Variants in DNAH11 observed in about 807,000 individuals in gnomAD.
DNAH11 encodes axonemal beta dynein heavy chain 11.
In DNAH11, 442 loss-of-function variants were observed where a neutral mutation model predicts 526.0. The observed-to-expected ratio is 0.84, with a 90% CI of 0.78 to 0.91. The LOEUF is 0.91. Among genes scored for constraint, DNAH11 ranks in the 40% least tolerant of loss-of-function variants. The pLI, the probability that DNAH11 is intolerant of heterozygous loss-of-function variation, is 0.00. For synonymous variants in DNAH11, 2,461 were observed against 1,935.9 expected (o/e 1.27, Z -7.12); for missense variants, 6,989 against 5,448.7 (o/e 1.28, Z -8.90).
chr7:21,564,007 C>T (rs372048196), intron 5 of DNAH11, among the ~76,000 whole-genome samples, 179 bp from the exon 6 acceptor site: 3 of 151,824 alleles, frequency 2.0e-5, no homozygotes, highest in South Asian at 2.1e-4. Flanking sequence ...AGATGGACAG[C>T]GTATAAGTCT....
At chr7:21,895,129 ATTC>A in intron 79 of DNAH11, 130 bp downstream of exon 79, 1 of 731,472 alleles carries the variant, frequency 1.4e-6, no homozygotes, top group Non-Finnish European at 2.2e-6. Flanking sequence ...ACCGTAAAAA[ATTC>A]TTCCACCAAT....
At chr7:21,801,087 T>G (rs759879844) in intron 61 of DNAH11, 50 bp from the exon 62 acceptor site, 1 of 1,550,566 alleles carries the variant, frequency 6.4e-7, no homozygotes, top group South Asian at 1.2e-5. Context: ...GATGGTAATC[T>G]CTCTGTTTTA....
intron 58 of DNAH11, among the ~76,000 whole-genome samples, chr7:21,785,050 A>T (rs1363169892): frequency 1.3e-5 from 2 of 152,170 alleles, no homozygotes; most frequent in African/African-American, 4.8e-5. Context: ...CTTATAAGAG[A>T]AAGTAAGCTG....
At chr7:21,879,140 C>G (rs1783820790) in intron 74 of DNAH11, among the ~76,000 whole-genome samples, 1 of 152,056 alleles carries the variant, frequency 6.6e-6, no homozygotes, top group Non-Finnish European at 1.5e-5. Context: ...CATTTTCCAT[C>G]TGCGTTCTTA....
intron 43 of DNAH11, among the ~76,000 whole-genome samples, chr7:21,720,213 G>A (rs908430000): frequency 2.6e-5 from 4 of 152,166 alleles, no homozygotes; most frequent in Non-Finnish European, 5.9e-5. Flanking sequence ...CTGCCAAAGC[G>A]CTTACCGAAA....
chr7:21,705,358 C>A, intron 38 of DNAH11, 102 bp from the exon 39 acceptor site: 1 of 1,106,488 alleles, frequency 9.0e-7, no homozygotes, highest in Non-Finnish European at 1.3e-6. Context: ...TCAGTGGGGG[C>A]TGGCTTGGGT....
intron 34 of DNAH11, 26 bp downstream of exon 34, chr7:21,687,553 G>C: frequency 6.2e-7 from 1 of 1,606,462 alleles, no homozygotes; most frequent in Non-Finnish European, 8.5e-7. Flanking sequence ...GCTATCTCTT[G>C]TTACAAATAG....
Position 21,543,730 on chromosome 7 carries a change from C to T in DNAH11, c.351+134C>T. 3.2e-6 allele frequency: 3 copies of T among 927,306 alleles called. No homozygotes were observed. The Admixed American group carries it at 8.5e-5, about 26-fold the overall frequency. 57.4% of individuals were successfully genotyped at this position (927,306 alleles called of 1,614,324 possible). A position where few individuals can be genotyped will look rare whatever the true frequency, so the allele number is the denominator to read the frequency against. On this transcript the variant is annotated intron_variant, in intron 1 of 81. Transcript: ENST00000409508. ...ACAAACTTGGCTTGAAGTCCCCATCCTGAGGCCCGCAGGACTCCTCCCCAC... is the reference window on the plus strand; with the variant it reads ...ACAAACTTGGCTTGAAGTCCCCATCTTGAGGCCCGCAGGACTCCTCCCCAC...
chr7:21,688,332 G>T (rs1783470641), intron 34 of DNAH11, among the ~76,000 whole-genome samples: 1 of 152,122 alleles, frequency 6.6e-6, no homozygotes, highest in African/African-American at 2.4e-5. Flanking sequence ...CTGGAAAAAT[G>T]CCTACCACAT....
At chr7:21,735,972 T>A in intron 46 of DNAH11, 128 bp downstream of exon 46, 1 of 889,550 alleles carries the variant, frequency 1.1e-6, no homozygotes, top group Non-Finnish European at 1.7e-6. Flanking sequence ...TAGATGAATT[T>A]GTACTTATCA....
rs10228421 is a variant in DNAH11 at position 21,829,093 on chromosome 7, T to C, written c.10691+10754T>C. ...TTGCTACGTTTGCTACACCTGATCT[T>C]TTCCGCTGCACTCTTGACTGTAGCT... On this transcript the variant is annotated intron_variant, in intron 65 of 81. Coordinates refer to ENST00000409508, the MANE Select transcript of DNAH11 (RefSeq NM_001277115.2). 4.8e-3 allele frequency among the ~76,000 whole-genome samples: 726 copies of C among 152,268 alleles called. 3 individuals are homozygous for C. The highest frequency in any genetic ancestry group is 0.017 in the African/African-American group (697 of 41,534).
At chr7:21,780,303 G>C (rs1787883262) in intron 57 of DNAH11, among the ~76,000 whole-genome samples, 1 of 152,114 alleles carries the variant, frequency 6.6e-6, no homozygotes, top group Non-Finnish European at 1.5e-5. Flanking sequence ...CCTGCACTTA[G>C]GGAGGCAGAG....
intron 30 of DNAH11, 81 bp from the exon 31 acceptor site, chr7:21,681,465 T>G (rs1281691634): frequency 4.9e-6 from 7 of 1,437,148 alleles, no homozygotes; most frequent in Non-Finnish European, 6.6e-6. Context: ...TAAATCAGCC[T>G]TTACAAATAC....
rs565292116 is a variant in DNAH11 at position 21,847,295 on chromosome 7, C to T, written c.10896+4547C>T. On this transcript the variant is annotated intron_variant, in intron 66 of 81. Coordinates refer to ENST00000409508, the MANE Select transcript of DNAH11 (RefSeq NM_001277115.2). ...TAGATAAATACCTTTAGGTTTTCTT[C>T]TCTACTTTTCTAATATATGCATTCA... 3.2e-3 allele frequency among the ~76,000 whole-genome samples: 492 copies of T among 152,248 alleles called. 1 individual carries two copies. Among genetic ancestry groups the T allele is most frequent in the Non-Finnish European group, 4.3e-3 (295 of 67,998 alleles).
intron 65 of DNAH11, among the ~76,000 whole-genome samples, chr7:21,835,449 G>A (rs542297073): frequency 6.6e-6 from 1 of 152,228 alleles, no homozygotes; most frequent in African/African-American, 2.4e-5. Flanking sequence ...GAATGCAAGA[G>A]TGGTTCAACA....
chr7:21,740,220 T>G (rs1785817918), intron 48 of DNAH11, among the ~76,000 whole-genome samples: 1 of 152,152 alleles, frequency 6.6e-6, no homozygotes, highest in Admixed American at 6.5e-5. Flanking sequence ...ATTATTATTG[T>G]TGTAAAATAC....
chr7:21,880,302 G>T (rs1290107410), intron 74 of DNAH11, among the ~76,000 whole-genome samples: 1 of 152,142 alleles, frequency 6.6e-6, no homozygotes, highest in African/African-American at 2.4e-5. Context: ...ATGGATAGTT[G>T]TGGTTAACTA....
chr7:21,879,569 A>G (rs1414840490), intron 74 of DNAH11, among the ~76,000 whole-genome samples: 1 of 152,220 alleles, frequency 6.6e-6, no homozygotes, highest in Non-Finnish European at 1.5e-5. Context: ...GGAAGGAAAT[A>G]ATGTGTCGTG....
chr7:21,842,753 A>T lies in DNAH11; in HGVS notation c.10896+5A>T, dbSNP rs1782262973. 1 of 1,601,050 alleles carries T rather than the reference A, an allele frequency of 6.2e-7. No individual in the cohort carries two copies. Among genetic ancestry groups the T allele is most frequent in the Non-Finnish European group, 8.5e-7 (1 of 1,173,340 alleles). On this transcript the variant is annotated splice_donor_5th_base_variant and intron_variant, in intron 66 of 81. Transcript: ENST00000409508. The stretch of plus-strand genomic sequence containing the variant: ...CCAGATTTGGAGAAACTTAAGGTAA[A>T]AATGTTTACGTCACCACCAACACTT...
Sources: gnomAD v4.1 joint callset for allele counts (sites outside exome capture counted in the v4.1 genomes callset) on GRCh38, gnomAD v4.1.1 for gene constraint, MANE v1.5 for transcripts, NCBI Gene and HGNC (gene_info 2026-07-23, HGNC 2026-07-21) for gene names.